The following CCDC3 variants were observed in gnomAD, a reference collection of about 807,000 sequenced individuals.
The protein encoded by CCDC3 is coiled-coil domain containing 3, also known as coiled-coil domain-containing protein 3.
Under a neutral mutation model 21.4 loss-of-function variants are expected in CCDC3, and 24 were observed. The observed-to-expected ratio is 1.12, with a 90% CI of 0.81 to 1.58. CCDC3 has a LOEUF of 1.58. Among genes scored for constraint, CCDC3 ranks in the 40% most tolerant of loss-of-function variants. The probability of loss-of-function intolerance (pLI) is 0.00; values close to 1 mark genes in which losing one functional copy is unlikely to be tolerated. For synonymous variants in CCDC3, 186 were observed against 166.0 expected (o/e 1.12, Z -0.93); for missense variants, 425 against 360.9 (o/e 1.18, Z -1.44).
chr10:13,072,222 T>C (rs927021104), intron 4 of CCDC3, among the ~76,000 whole-genome samples: 1 of 152,122 alleles, frequency 6.6e-6, no homozygotes, highest in Non-Finnish European at 1.5e-5. Flanking sequence ...CAAATGATCA[T>C]GCAACCAGAG....
chr10:13,031,611 AG>A (rs1226857784), intron 5 of CCDC3, among the ~76,000 whole-genome samples: 1 of 152,220 alleles, frequency 6.6e-6, no homozygotes, highest in Non-Finnish European at 1.5e-5. Flanking sequence ...AGACTAATAA[AG>A]AAGAGAGAAG....
chr10:12,900,331 C>T (rs1266615172), intron 2 of CCDC3, among the ~76,000 whole-genome samples: 1 of 151,986 alleles, frequency 6.6e-6, no homozygotes, highest in Non-Finnish European at 1.5e-5. Context: ...TCATCAGAAG[C>T]TACATTCCCA....
intron 5 of CCDC3, among the ~76,000 whole-genome samples, chr10:13,032,407 A>T (rs1836317141): frequency 6.6e-6 from 1 of 152,206 alleles, no homozygotes; most frequent in Non-Finnish European, 1.5e-5. Context: ...AAAAACTGGA[A>T]GCATTCCCAT....
intron 4 of CCDC3, among the ~76,000 whole-genome samples, chr10:13,067,020 G>T (rs944767959): frequency 6.6e-6 from 1 of 152,158 alleles, no homozygotes; most frequent in Non-Finnish European, 1.5e-5. Flanking sequence ...CCTAGGTGTG[G>T]GGCTTGAGGA....
chr10:12,900,009 G>C (rs1003669767), intron 2 of CCDC3, among the ~76,000 whole-genome samples: 5 of 152,282 alleles, frequency 3.3e-5, no homozygotes, highest in Admixed American at 6.5e-5. Flanking sequence ...TCTTCTAATA[G>C]TGAATAAGTC....
At position 12,960,206 on chromosome 10, in the gene CCDC3, A is replaced by C. The variant is rs115509338; in HGVS notation, c.549+38132T>G. ...ACACACACACAAAGGTTTTCTCAGC[A>C]TAACTGTACTGTCCTTGAAAGCAAA... On this transcript the variant is annotated intron_variant, in intron 2 of 2. Coordinates refer to ENST00000378825, the MANE Select transcript of CCDC3 (RefSeq NM_031455.4). 4.2e-3 allele frequency among the ~76,000 whole-genome samples: 587 copies of C among 140,386 alleles called. 5 individuals carry two copies. Among genetic ancestry groups the C allele is most frequent in the African/African-American group, 0.014 (538 of 37,960 alleles). The allele number at this position is 140,386 out of a possible 152,430, so 92.1% of individuals were successfully genotyped here.
rs571226169 is a variant in CCDC3, at chr10:12,918,297, G to A, written c.550-19618C>T. Among the ~76,000 whole-genome samples the A allele has an allele frequency of 9.2e-5, 14 of 152,250 alleles. No individual in the cohort carries two copies. In the South Asian group the frequency reaches 1.9e-3, roughly 20 times the overall value. On this transcript the variant is annotated intron_variant, in intron 2 of 2. Coordinates refer to ENST00000378825, the MANE Select transcript of CCDC3 (RefSeq NM_031455.4). Reference sequence around the variant, plus strand: ...CTTTTTCAAAAATTTCTTGGCCAACGTTTTTAAAATACAGAAGGATTCTAT... The same window carrying A: ...CTTTTTCAAAAATTTCTTGGCCAACATTTTTAAAATACAGAAGGATTCTAT...
intron 3 of CCDC3, among the ~76,000 whole-genome samples, chr10:13,077,039 G>A (rs940643087): frequency 1.3e-5 from 2 of 152,120 alleles, no homozygotes; most frequent in African/African-American, 4.8e-5. Flanking sequence ...GAAATAAAGG[G>A]TATTCAATTA....
intron 2 of CCDC3, among the ~76,000 whole-genome samples, chr10:12,962,006 G>A (rs763246869): frequency 1.3e-5 from 2 of 152,194 alleles, no homozygotes; most frequent in African/African-American, 2.4e-5. Context: ...CACATTTTAT[G>A]AGATTGATTG....
chr10:12,963,113 A>C (rs145853484), intron 2 of CCDC3, among the ~76,000 whole-genome samples: 1,722 of 152,316 alleles, frequency 0.011, 17 homozygotes, highest in Middle Eastern at 0.048. Flanking sequence ...GTGAAAGAAA[A>C]TAGCTGTGGG....
At chr10:13,015,795 A>G (rs1001979242) in intron 5 of CCDC3, among the ~76,000 whole-genome samples, 1 of 152,022 alleles carries the variant, frequency 6.6e-6, no homozygotes, top group Admixed American at 6.6e-5. Context: ...ATTGCTCTTC[A>G]GTAGGAGAGC....
intron 5 of CCDC3, among the ~76,000 whole-genome samples, chr10:13,041,765 G>A (rs879929953): frequency 2.6e-5 from 4 of 152,076 alleles, no homozygotes; most frequent in Non-Finnish European, 4.4e-5. Context: ...TGGGATTACA[G>A]GTGTGAACCA....
chr10:13,030,460 C>T (rs1164418179), intron 5 of CCDC3, among the ~76,000 whole-genome samples: 1 of 152,176 alleles, frequency 6.6e-6, no homozygotes, highest in East Asian at 1.9e-4. Context: ...CAGCTAACAT[C>T]ATAACGACAG....
upstream of CCDC3, among the ~76,000 whole-genome samples, chr10:13,005,107 C>G (rs1262324932): frequency 6.6e-6 from 1 of 152,202 alleles, no homozygotes; most frequent in Non-Finnish European, 1.5e-5. Context: ...CTCTCTTAGT[C>G]TAGACATAGC....
chr10:12,919,164 A>G (rs1834407198), intron 2 of CCDC3, among the ~76,000 whole-genome samples: 1 of 152,198 alleles, frequency 6.6e-6, no homozygotes, highest in African/African-American at 2.4e-5. Flanking sequence ...GGGTCTATGT[A>G]TTATGTGTGT....
intron 1 of CCDC3, 115 bp from the exon 2 acceptor site, chr10:12,998,627 A>G (rs1408614805): frequency 2.3e-6 from 2 of 866,312 alleles, no homozygotes; most frequent in African/African-American, 3.4e-5. Flanking sequence ...AATGTCTGGC[A>G]TGGCTCTCAT....
chr10:12,905,903 C>A (rs1929381), intron 2 of CCDC3, among the ~76,000 whole-genome samples: 20,707 of 152,142 alleles, frequency 0.14, 1,751 homozygotes, highest in East Asian at 0.26. Flanking sequence ...TTTCTGGCCC[C>A]GTAGAGGGCA....
intron 4 of CCDC3, among the ~76,000 whole-genome samples, chr10:13,057,478 A>T (rs1215559805): frequency 1.3e-5 from 2 of 151,810 alleles, no homozygotes; most frequent in Non-Finnish European, 2.9e-5. Context: ...TAAAAAAAAA[A>T]ATCTAAATCC....
chr10:13,012,665 G>A (rs1355159127), intron 5 of CCDC3, among the ~76,000 whole-genome samples: 9 of 152,060 alleles, frequency 5.9e-5, no homozygotes, highest in Non-Finnish European at 1.2e-4. Flanking sequence ...CAGCTACTTG[G>A]GAGGCTGAGG....
Sources: allele counts gnomAD v4.1 joint callset (sites outside exome capture counted in the v4.1 genomes callset), GRCh38; gene constraint gnomAD v4.1.1; transcripts MANE v1.5; gene names NCBI Gene and HGNC (gene_info 2026-07-23, HGNC 2026-07-21).